TRAPPC4: variants seen among roughly 807,000 people sequenced by gnomAD.
The protein encoded by TRAPPC4 is TRS23 homolog.
In TRAPPC4, 30 loss-of-function variants were observed where a neutral mutation model predicts 23.5. The ratio of observed to expected loss-of-function variants is 1.28; its 90% confidence interval spans 0.96 to 1.73. The LOEUF (loss-of-function observed/expected upper bound fraction) is 1.73, where lower values mean the gene tolerates loss of function less well. TRAPPC4 is among the 40% of genes most tolerant of loss of function. The pLI is 0.00. For synonymous variants in TRAPPC4, 129 were observed against 105.3 expected (o/e 1.23, Z -1.38); for missense variants, 252 against 268.9 (o/e 0.94, Z 0.44).
intron 2 of TRAPPC4, 81 bp from the exon 3 acceptor site, chr11:119,020,069 C>A: frequency 2.1e-6 from 2 of 957,014 alleles, no homozygotes; most frequent in Non-Finnish European, 1.6e-6. Context: ...GTAATGTGAA[C>A]TCCTCAGCAA....
In TRAPPC4 at chr11:119,018,788, A is replaced by C. The variant is rs371885699; in HGVS notation, c.-8A>C. The C allele has an allele frequency of 1.7e-3, 2,769 of 1,611,086 alleles. 43 individuals carry two copies. The African/African-American group carries it at 0.032, about 18-fold the overall frequency. On this transcript the variant is annotated 5_prime_UTR_variant, in exon 1 of 5. Coordinates refer to ENST00000533632, the MANE Select transcript of TRAPPC4 (RefSeq NM_016146.6). ...GCTGAATACCAGTTTCCGAGCGGCA[A>C]GGCAGCGATGGCGATTTTTAGTGTG... is the stretch of plus-strand genomic sequence containing the variant.
chr11:119,022,132 G>A (rs1054540513), intron 4 of TRAPPC4, among the ~76,000 whole-genome samples: 1 of 152,148 alleles, frequency 6.6e-6, no homozygotes, highest in African/African-American at 2.4e-5. Flanking sequence ...TTGGATGCAT[G>A]TGCCACCACG....
Position 119,018,771 on chromosome 11 carries a change from CCA to C in TRAPPC4, c.-24_-23del, listed in dbSNP as rs1943238861. 2 of 1,608,942 alleles carry C rather than the reference CCA, an allele frequency of 1.2e-6. No individual in the cohort carries two copies. Among genetic ancestry groups the C allele is most frequent in the Admixed American group, 3.3e-5 (2 of 59,902 alleles). ...GGGGCCGTCGGGTAGAGGCTGAATA[CCA>C]GTTTCCGAGCGGCAAGGCAGCGATG... On this transcript the variant is annotated 5_prime_UTR_variant, in exon 1 of 5. Coordinates refer to ENST00000533632, the MANE Select transcript of TRAPPC4 (RefSeq NM_016146.6).
intron 4 of TRAPPC4, 91 bp from the exon 5 acceptor site, chr11:119,023,230 A>T (rs771996398): frequency 4.6e-5 from 56 of 1,221,190 alleles, no homozygotes; most frequent in Non-Finnish European, 6.5e-5. Context: ...CTTCCATGAT[A>T]TATGTTGTTC....
At chr11:119,020,409 G>A in intron 3 of TRAPPC4, 156 bp downstream of exon 3, 1 of 590,012 alleles carries the variant, frequency 1.7e-6, no homozygotes, top group Non-Finnish European at 3.0e-6. Context: ...AAGAGGGGGT[G>A]TGCTTTTCCT....
chr11:119,021,159 G>A (rs1436652917), intron 3 of TRAPPC4: 2 of 152,592 alleles, frequency 1.3e-5, no homozygotes, highest in Non-Finnish European at 2.9e-5. Flanking sequence ...ACAGTGCTGG[G>A]ATTACAGGCA....
rs782188507 is a variant in TRAPPC4, at chr11:119,019,031, TG to T, written c.175+64del. The stretch of plus-strand genomic sequence containing the variant: ...TGGGAGGGCCCCAGTGCTGTAGAAG[TG>T]GGCTGGTTGTAGGTGCGGGGTTGGG... On this transcript the variant is annotated intron_variant, in intron 1 of 4. Coordinates refer to ENST00000533632, the MANE Select transcript of TRAPPC4 (RefSeq NM_016146.6). 3.1e-6 allele frequency: 5 copies of T among 1,591,088 alleles called. No homozygotes were observed. The South Asian group carries it at 5.6e-5, about 18-fold the overall frequency.
rs532470549 is a variant in TRAPPC4 at position 119,023,895 on chromosome 11, T to TATGATG, written c.*509_*514dup. The TATGATG allele has an allele frequency of 2.6e-5, 4 of 154,056 alleles. No individual in the cohort carries two copies. The highest frequency in any genetic ancestry group is 1.9e-4 in the East Asian group (1 of 5,272). The allele number at this position is 154,056 out of a possible 1,614,324, so 9.5% of individuals were successfully genotyped here. On this transcript the variant is annotated 3_prime_UTR_variant, in exon 5 of 5. Transcript: ENST00000533632. ...TGGTGGCAGCAGTGGTGGTGGCTGT[T>TATGATG]ATGATGATGATGATGATGGAACATA...
Position 119,020,267 on chromosome 11 carries a change from C to T in TRAPPC4, c.454+14C>T, listed in dbSNP as rs782264030. The T allele has an allele frequency of 1.1e-5, 18 of 1,597,894 alleles. No individual in the cohort carries two copies. Among genetic ancestry groups the T allele is most frequent in the Middle Eastern group, 1.7e-4 (1 of 6,058 alleles). ...AGACACTGACAGGTATGCATCTCCACGGAGGCCAGAGGAGTGTGATGGAGA... is the reference window on the plus strand; with the variant it reads ...AGACACTGACAGGTATGCATCTCCATGGAGGCCAGAGGAGTGTGATGGAGA... On this transcript the variant is annotated intron_variant, in intron 3 of 4. Transcript: ENST00000533632.
rs782544868 is a variant in TRAPPC4, at chr11:119,020,229, T to C, written c.430T>C (p.Leu144=). Residue 144 remains leucine (L), a synonymous_variant, in exon 3 of 5, where the codon TTG becomes CTG. Coordinates refer to ENST00000533632, the MANE Select transcript of TRAPPC4 (RefSeq NM_016146.6). The part of the protein sequence containing the change: ...IEMLETDTFK[L]HCYQTLTGIK... ...GATGCTGGAGACAGACACATTCAAA[T>C]TGCACTGCTACCAGACACTGACAGG... 6.2e-7 allele frequency: 1 copy of C among 1,613,518 alleles called. No homozygotes were observed. Among genetic ancestry groups the C allele is most frequent in the Non-Finnish European group, 8.5e-7 (1 of 1,179,896 alleles).
At chr11:119,020,081 TAGGGACACTTC>T in intron 2 of TRAPPC4, 58 bp from the exon 3 acceptor site, 1 of 1,126,548 alleles carries the variant, frequency 8.9e-7, no homozygotes, top group Admixed American at 1.8e-5. Flanking sequence ...CCTCAGCAAA[TAGGGACACTTC>T]AGTGGAAGTT....
rs1943272874 is a variant in TRAPPC4, at chr11:119,019,425, G to A, written c.350+108G>A. The A allele has an allele frequency of 3.2e-6, 4 of 1,239,490 alleles. No individual in the cohort carries two copies. In the South Asian group the frequency reaches 5.8e-5, roughly 18 times the overall value. The allele number at this position is 1,239,490 out of a possible 1,614,324, so 76.8% of individuals were successfully genotyped here. On this transcript the variant is annotated intron_variant, in intron 2 of 4. Transcript: ENST00000533632. ...CAACCGATCCAGATCTAGATTTTAG[G>A]TAATAACGGCAGTGGTGTCATCTTT...
At chr11:119,020,507 A>G (rs1943328233) in intron 3 of TRAPPC4, 1 of 344,704 alleles carries the variant, frequency 2.9e-6, no homozygotes, top group Admixed American at 4.3e-5. Context: ...GGTTCAAGCG[A>G]TTCTCCTGCC....
chr11:119,023,852 T>C lies in TRAPPC4; in HGVS notation c.*453T>C, dbSNP rs75036896. 2,353 of 156,312 alleles carry C rather than the reference T, an allele frequency of 0.015. 78 individuals carry two copies. Among genetic ancestry groups the C allele is most frequent in the African/African-American group, 0.054 (2,259 of 41,656 alleles). The allele number at this position is 156,312 out of a possible 1,614,324, so 9.7% of individuals were successfully genotyped here. Reference sequence around the variant, plus strand: ...GATCTAGTCCCAGAATTGCTGCTGATTTCCTGGGGTCCTGGGGTGGTGGCA... The same window carrying C: ...GATCTAGTCCCAGAATTGCTGCTGACTTCCTGGGGTCCTGGGGTGGTGGCA... On this transcript the variant is annotated 3_prime_UTR_variant, in exon 5 of 5. Transcript: ENST00000533632.
chr11:119,022,363 G>A (rs1943387041), intron 4 of TRAPPC4, among the ~76,000 whole-genome samples: 1 of 152,128 alleles, frequency 6.6e-6, no homozygotes, highest in South Asian at 2.1e-4. Context: ...GACGGAGAGG[G>A]TAGGATCACT....
At position 119,019,100 on chromosome 11, in the gene TRAPPC4, C is replaced by T. The variant is rs3802884; in HGVS notation, c.176-43C>T. The T allele has an allele frequency of 0.095, 151,944 of 1,600,800 alleles. 8,437 individuals carry two copies. Among genetic ancestry groups the T allele is most frequent in the South Asian group, 0.22 (20,019 of 90,172 alleles). On this transcript the variant is annotated intron_variant, in intron 1 of 4. Transcript: ENST00000533632. Reference sequence around the variant, plus strand: ...GGGTCCCTTGTCCCCTCGGCGGAATCCCCGGGCTGCACCTTCGCTGACCGT... The same window carrying T: ...GGGTCCCTTGTCCCCTCGGCGGAATTCCCGGGCTGCACCTTCGCTGACCGT...
At position 119,023,615 on chromosome 11, in the gene TRAPPC4, A is replaced by G; in HGVS notation, c.*216A>G. 1 of 424,678 alleles carries G rather than the reference A, an allele frequency of 2.4e-6. No individual in the cohort carries two copies. Among genetic ancestry groups the G allele is most frequent in the East Asian group, 3.6e-5 (1 of 28,110 alleles). 26.3% of individuals were successfully genotyped at this position (424,678 alleles called of 1,614,324 possible). A position where few individuals can be genotyped will look rare whatever the true frequency, so the allele number is the denominator to read the frequency against. ...TTTCCAACTCTGTACAGATTTATTT[A>G]TGGAGGAGCTAGGTCCATAAATGTT... On this transcript the variant is annotated 3_prime_UTR_variant, in exon 5 of 5. Coordinates refer to ENST00000533632, the MANE Select transcript of TRAPPC4 (RefSeq NM_016146.6).
chr11:119,023,776 AAT>A lies in TRAPPC4; in HGVS notation c.*380_*381del, dbSNP rs1165553681. On this transcript the variant is annotated 3_prime_UTR_variant, in exon 5 of 5. Transcript: ENST00000533632. ...TTATGTGCTAGTAAAAAACATAACA[AAT>A]ATGTGTTCATTAAATAAATGAACAT... 6.1e-6 allele frequency: 1 copy of A among 164,738 alleles called. No individual in the cohort carries two copies. Among genetic ancestry groups the A allele is most frequent in the African/African-American group, 2.4e-5 (1 of 41,984 alleles). 10.2% of individuals were successfully genotyped at this position (164,738 alleles called of 1,614,324 possible).
At chr11:119,023,279 TCAGGC>T (rs1404911425) in intron 4 of TRAPPC4, 37 bp from the exon 5 acceptor site, 1 of 1,598,862 alleles carries the variant, frequency 6.3e-7, no homozygotes, top group African/African-American at 1.3e-5. Context: ...GGAGAAAGCC[TCAGGC>T]CTCACACTTT....
Sources: allele counts gnomAD v4.1 joint callset (sites outside exome capture counted in the v4.1 genomes callset), GRCh38; gene constraint gnomAD v4.1.1; transcripts MANE v1.5; gene names NCBI Gene and HGNC (gene_info 2026-07-23, HGNC 2026-07-21).